Variants in SGPP1 observed in about 807,000 individuals in gnomAD.
The protein encoded by SGPP1 is hSPP1.
Under a neutral mutation model 33.0 loss-of-function variants are expected in SGPP1, and 21 were observed. The ratio of observed to expected loss-of-function variants is 0.64; its 90% CI spans 0.45 to 0.92. The LOEUF (loss-of-function observed/expected upper bound fraction) is 0.92. Ranked by LOEUF, SGPP1 falls within the 40% of genes least tolerant of loss-of-function variation. SGPP1 has a pLI of 0.00. For missense variants in SGPP1, 543 were observed against 589.4 expected, an observed-to-expected ratio of 0.92 and a Z score of 0.81; for synonymous variants, 239 against 241.2, an observed-to-expected ratio of 0.99 and a Z score of 0.08.
chr14:63,707,257 A>C (rs542563681), intron 1 of SGPP1, among the ~76,000 whole-genome samples: 1 of 152,136 alleles, frequency 6.6e-6, no homozygotes, highest in Non-Finnish European at 1.5e-5. Context: ...AATATATTTT[A>C]TATCAAAAAC....
rs1884981166 is a variant in SGPP1 at position 63,686,525 on chromosome 14, C to T, written c.906G>A (p.Leu302=). 2 of 1,613,792 alleles carry T rather than the reference C, an allele frequency of 1.2e-6. No individual in the cohort carries two copies. The highest frequency in any genetic ancestry group is 1.1e-5 in the South Asian group (1 of 91,066). ...PFIIIGLHLA[L]GIFSFTLDTW... ...TGTCAAGAGTGAAAGAAAAGATCCC[C>T]AAAGCTAAATGAAGCCCGATGATGA... Residue 302 remains leucine (L), a synonymous_variant, in exon 3 of 3, where the codon TTG becomes TTA. Transcript: ENST00000247225.
At chr14:63,689,907 A>G (rs1885058414) in intron 2 of SGPP1, among the ~76,000 whole-genome samples, 1 of 152,112 alleles carries the variant, frequency 6.6e-6, no homozygotes, top group Non-Finnish European at 1.5e-5. Flanking sequence ...TTCATTCATT[A>G]TATTATATGT....
intron 1 of SGPP1, among the ~76,000 whole-genome samples, chr14:63,703,461 T>C (rs371871698): frequency 1.3e-5 from 2 of 152,022 alleles, no homozygotes; most frequent in Non-Finnish European, 2.9e-5. Flanking sequence ...AAAACCATCC[T>C]GGCCAACATG....
intron 1 of SGPP1, among the ~76,000 whole-genome samples, chr14:63,722,971 CAAAA>C (rs780291066): frequency 1.4e-5 from 1 of 68,970 alleles, no homozygotes; most frequent in African/African-American, 5.2e-5. Context: ...GACCCTGTCT[CAAAA>C]AAAAAAAAAA....
chr14:63,701,652 G>A (rs1302803611), intron 1 of SGPP1, among the ~76,000 whole-genome samples: 1 of 152,156 alleles, frequency 6.6e-6, no homozygotes, highest in African/African-American at 2.4e-5. Flanking sequence ...GTAATGGGGG[G>A]CCAGATCAAG....
chr14:63,695,057 T>C (rs1261404097), intron 2 of SGPP1, among the ~76,000 whole-genome samples: 1 of 152,020 alleles, frequency 6.6e-6, no homozygotes, highest in East Asian at 1.9e-4. Flanking sequence ...ATTTATTTTA[T>C]TTTATTTTAT....
chr14:63,723,428 A>T (rs1193406807), intron 1 of SGPP1, among the ~76,000 whole-genome samples: 1 of 152,194 alleles, frequency 6.6e-6, no homozygotes, highest in Non-Finnish European at 1.5e-5. Flanking sequence ...AACGTACCTT[A>T]AAAAAATTCA....
intron 1 of SGPP1, among the ~76,000 whole-genome samples, chr14:63,717,794 T>C (rs903597000): frequency 1.3e-5 from 2 of 152,310 alleles, no homozygotes; most frequent in African/African-American, 4.8e-5. Flanking sequence ...AGGCACATCA[T>C]TTTTAAATTG....
At position 63,686,182 on chromosome 14, in the gene SGPP1, AC is replaced by A; in HGVS notation, c.1248del (p.Tyr417IlefsTer41). 1 of 1,613,912 alleles carries A rather than the reference AC, an allele frequency of 6.2e-7. No individual in the cohort carries two copies. The highest frequency in any genetic ancestry group is 8.5e-7 in the Non-Finnish European group (1 of 1,179,814). ...AAACCAACCATTCCATAGGTAATAT[AC>A]CGATAAGGAAGTTCAACTTCCATGT... ...RQHMEVELPY[R>X]YITYGMVGFS... On this transcript the variant is annotated frameshift_variant, in exon 3 of 3. Coordinates refer to ENST00000247225, the MANE Select transcript of SGPP1 (RefSeq NM_030791.4). LOFTEE classifies it high-confidence loss of function.
rs528675707 is a variant in SGPP1 at position 63,711,147 on chromosome 14, G to A, written c.685-12489C>T. Among the ~76,000 whole-genome samples, 68 of 151,858 alleles carry A rather than the reference G, an allele frequency of 4.5e-4. 1 individual carries two copies. Among genetic ancestry groups the A allele is most frequent in the East Asian group, 7.8e-4 (4 of 5,158 alleles). The stretch of plus-strand genomic sequence containing the variant: ...TCCTGCCTCAGCCTCCCAAGTAGCT[G>A]GGATTACAGGCGTCCACCACCACGC... On this transcript the variant is annotated intron_variant, in intron 1 of 2. Coordinates refer to ENST00000247225, the MANE Select transcript of SGPP1 (RefSeq NM_030791.4).
chr14:63,686,605 G>C lies in SGPP1; in HGVS notation c.826C>G (p.Pro276Ala), dbSNP rs1477259247. Residue 276 changes from proline to alanine, a missense_variant, in exon 3 of 3, where the codon CCA becomes GCA. Coordinates refer to ENST00000247225, the MANE Select transcript of SGPP1 (RefSeq NM_030791.4). The stretch of plus-strand genomic sequence containing the variant: ...AAGTTGTCAATCAGGTCCACAAATG[G>C]ATAGAAGACAGCTAAGATTAAAATG... ...YTILILAVFY[P>A]FVDLIDNFNQ... The C allele has an allele frequency of 1.9e-6, 3 of 1,613,310 alleles. No individual in the cohort carries two copies. Among genetic ancestry groups the C allele is most frequent in the Non-Finnish European group, 2.5e-6 (3 of 1,179,508 alleles).
chr14:63,724,134 C>A lies in SGPP1; in HGVS notation c.684+3127G>T, dbSNP rs532848319. Reference sequence around the variant, plus strand: ...GGCTCAAGGGATCCTTCCGCCTCAGCCTCCCAAAGTGCTAGGTGTACAGGG... The same window carrying A: ...GGCTCAAGGGATCCTTCCGCCTCAGACTCCCAAAGTGCTAGGTGTACAGGG... On this transcript the variant is annotated intron_variant, in intron 1 of 2. Coordinates refer to ENST00000247225, the MANE Select transcript of SGPP1 (RefSeq NM_030791.4). Among the ~76,000 whole-genome samples the A allele has an allele frequency of 2.6e-4, 40 of 152,218 alleles. 2 individuals are homozygous for A. In the South Asian group the frequency reaches 8.1e-3, roughly 31 times the overall value.
In SGPP1 at chr14:63,722,922, G is replaced by C. The variant is rs552470681; in HGVS notation, c.684+4339C>G. ...GGGAGGTCGAGGCTGCAGTGAGCCG[G>C]AATCGTGCCACTGTACTCCAGTCTG... On this transcript the variant is annotated intron_variant, in intron 1 of 2. Coordinates refer to ENST00000247225, the MANE Select transcript of SGPP1 (RefSeq NM_030791.4). Among the ~76,000 whole-genome samples, 94 of 148,492 alleles carry C rather than the reference G, an allele frequency of 6.3e-4. 1 individual carries two copies. The highest frequency in any genetic ancestry group is 1.8e-3 in the Admixed American group (26 of 14,810).
At chr14:63,707,058 A>C (rs1207457914) in intron 1 of SGPP1, among the ~76,000 whole-genome samples, 2 of 151,436 alleles carry the variant, frequency 1.3e-5, no homozygotes, top group Non-Finnish European at 2.9e-5. Context: ...AAAAAAAAAA[A>C]AAACTGACCC....
intron 2 of SGPP1, among the ~76,000 whole-genome samples, chr14:63,691,494 C>T (rs555643631): frequency 6.6e-6 from 1 of 152,302 alleles, no homozygotes; most frequent in South Asian, 2.1e-4. Flanking sequence ...CTTTCTTCTC[C>T]TACCCTGTAA....
intron 2 of SGPP1, among the ~76,000 whole-genome samples, chr14:63,687,109 C>T: frequency 6.6e-6 from 1 of 152,050 alleles, no homozygotes; most frequent in East Asian, 1.9e-4. Context: ...GAGTGCCAAC[C>T]CCTATTTTAG....
intron 2 of SGPP1, among the ~76,000 whole-genome samples, chr14:63,693,463 T>C (rs1885126776): frequency 6.6e-6 from 1 of 152,252 alleles, no homozygotes; most frequent in African/African-American, 2.4e-5. Context: ...GTATATATTC[T>C]AAACTTTGTA....
chr14:63,724,933 C>G (rs1885847602), intron 1 of SGPP1, among the ~76,000 whole-genome samples: 1 of 150,468 alleles, frequency 6.6e-6, no homozygotes, highest in Non-Finnish European at 1.5e-5. Flanking sequence ...GGGAGGATAA[C>G]TTGAGCCCAG....
At chr14:63,722,789 A>G (rs1279164070) in intron 1 of SGPP1, among the ~76,000 whole-genome samples, 3 of 151,290 alleles carry the variant, frequency 2.0e-5, no homozygotes, top group Admixed American at 2.0e-4. Context: ...AACATGGCAA[A>G]ACCCCGTCTC....
Sources: allele counts gnomAD v4.1 joint callset (sites outside exome capture counted in the v4.1 genomes callset), GRCh38; gene constraint gnomAD v4.1.1; transcripts MANE v1.5; gene names NCBI Gene and HGNC (gene_info 2026-07-23, HGNC 2026-07-21).